The following EDA variants were observed in gnomAD, a reference collection of about 807,000 sequenced individuals.
EDA encodes the protein ectodysplasin A, also known as ectodysplasin-A.
A neutral mutation model predicts 23.6 loss-of-function variants in EDA; 2 were observed. That is an observed-to-expected ratio of 0.08 (90% confidence interval 0.03 to 0.27). The LOEUF is 0.27. Ranked by LOEUF, EDA falls within the 10% of genes least tolerant of loss-of-function variation. The pLI is 1.00. For synonymous variants in EDA, 131 were observed against 132.0 expected (o/e 0.99, Z 0.05); for missense variants, 229 against 324.2 (o/e 0.71, Z 2.26).
intron 1 of EDA, among the ~76,000 whole-genome samples, chrX:69,655,340 G>C (rs769314154): frequency 9.1e-6 from 1 of 109,310 alleles, no homozygotes; most frequent in Admixed American, 9.7e-5. Flanking sequence ...TTGGCGGTGA[G>C]CCGAGATCAC....
rs1314281220 is a variant in EDA, at chrX:70,029,525, C to T, written c.728C>T (p.Thr243Ile). 8.3e-7 allele frequency: 1 copy of T among 1,211,967 alleles called. No homozygotes were observed. ...GCAGGTGCTGCTGATAAAGCTGGAA[C>T]TCGAGAAAACCAGGTTGGCTGGGGA... The part of the protein sequence containing the change: ...GPSGAADKAG[T>I]RENQPAVVHL... The change falls in exon 5 of 8, where the codon ACT becomes ATT. Residue 243 changes from threonine to isoleucine, a missense_variant. Transcript: ENST00000374552.
intron 1 of EDA, among the ~76,000 whole-genome samples, chrX:69,885,499 T>C (rs181535744): frequency 8.9e-6 from 1 of 112,453 alleles, no homozygotes; most frequent in East Asian, 2.8e-4. Flanking sequence ...GGTTCATCCA[T>C]GTTGCAGCAT....
intron 1 of EDA, among the ~76,000 whole-genome samples, chrX:69,955,935 A>G (rs151009360): frequency 8.9e-6 from 1 of 112,181 alleles, no homozygotes; most frequent in Non-Finnish European, 1.9e-5. Context: ...TTATGATTCA[A>G]TTCAGCAAAT....
chrX:69,617,481 T>A (rs192877852), intron 1 of EDA, among the ~76,000 whole-genome samples: 302 of 111,382 alleles, frequency 2.7e-3, no homozygotes, highest in African/African-American at 9.0e-3. Context: ...GCCAATGGAA[T>A]AATTACTCAG....
chrX:69,711,279 A>C (rs142001691), intron 1 of EDA, among the ~76,000 whole-genome samples: 1,550 of 111,339 alleles, frequency 0.014, 20 homozygotes, highest in African/African-American at 0.046. Context: ...GGTTCTGTTT[A>C]TATGCTGGAT....
At chrX:69,793,212 G>C (rs1270499379) in intron 1 of EDA, among the ~76,000 whole-genome samples, 1 of 111,748 alleles carries the variant, frequency 8.9e-6, no homozygotes, top group African/African-American at 3.3e-5. Context: ...ACAAAGTAAA[G>C]GCATACTTGT....
intron 1 of EDA, among the ~76,000 whole-genome samples, chrX:69,835,321 T>C (rs113506056): frequency 0.3 from 33,593 of 111,324 alleles, 4,746 homozygotes; most frequent in Middle Eastern, 0.55. Context: ...CCAACTTGGT[T>C]CCCTTCTCCC....
intron 1 of EDA, among the ~76,000 whole-genome samples, chrX:69,788,419 G>T (rs1189164589): frequency 1.8e-5 from 2 of 111,703 alleles, no homozygotes; most frequent in African/African-American, 6.5e-5. Context: ...CCATCTTTGT[G>T]GTTTTATCTA....
chrX:69,796,260 A>T (rs2015540633), intron 1 of EDA, among the ~76,000 whole-genome samples: 1 of 109,658 alleles, frequency 9.1e-6, no homozygotes, highest in Non-Finnish European at 1.9e-5. Context: ...TGAGTAAGTC[A>T]TCTGGAGACC....
At chrX:69,941,411 TTAACTC>T (rs755425941) in intron 1 of EDA, among the ~76,000 whole-genome samples, 1 of 111,689 alleles carries the variant, frequency 9.0e-6, no homozygotes, top group South Asian at 3.7e-4. Context: ...ATCTCTCTCT[TTAACTC>T]TAATAACATT....
chrX:70,029,679 C>A, intron 5 of EDA, 141 bp downstream of exon 5: 1 of 632,380 alleles, frequency 1.6e-6, no homozygotes. Context: ...CACTCACAGC[C>A]CCCTCCCATC....
chrX:69,627,833 T>C (rs1932442772), intron 1 of EDA, among the ~76,000 whole-genome samples: 2 of 111,407 alleles, frequency 1.8e-5, no homozygotes, highest in African/African-American at 6.5e-5. Context: ...GAGAGAGGGA[T>C]TAGATTTCAG....
chrX:69,750,484 C>A (rs1245516880), intron 1 of EDA, among the ~76,000 whole-genome samples: 2 of 110,303 alleles, frequency 1.8e-5, no homozygotes, highest in African/African-American at 3.3e-5. Flanking sequence ...AGTAAACATA[C>A]GTGTGCGTGT....
chrX:69,848,610 A>G (rs1229530983), intron 1 of EDA, among the ~76,000 whole-genome samples: 2 of 111,850 alleles, frequency 1.8e-5, no homozygotes, highest in South Asian at 3.7e-4. Flanking sequence ...CATCAAGCCT[A>G]TTCAGATCCT....
chrX:69,917,887 A>G (rs994788367), intron 1 of EDA, among the ~76,000 whole-genome samples: 6 of 111,159 alleles, frequency 5.4e-5, no homozygotes, highest in African/African-American at 2.0e-4. Flanking sequence ...TTTTATATAT[A>G]TCTTATTCTA....
At chrX:69,789,113 C>T (rs12851085) in intron 1 of EDA, among the ~76,000 whole-genome samples, 34,519 of 111,406 alleles carry the variant, frequency 0.31, 4,800 homozygotes, top group Middle Eastern at 0.55. Context: ...TGACCCCTTG[C>T]GCTTCCCAAG....
At chrX:69,801,130 T>C (rs143913595) in intron 1 of EDA, among the ~76,000 whole-genome samples, 1,323 of 111,993 alleles carry the variant, frequency 0.012, 9 homozygotes, top group Non-Finnish European at 0.018. Flanking sequence ...GGCAACACTT[T>C]TAAAATTTTA....
chrX:69,622,289 C>T (rs1398574054), intron 1 of EDA, among the ~76,000 whole-genome samples: 1 of 111,830 alleles, frequency 8.9e-6, no homozygotes, highest in Non-Finnish European at 1.9e-5. Flanking sequence ...TTGATAATGA[C>T]AGTTTTTCTA....
At chrX:69,683,408 C>A (rs182398767) in intron 1 of EDA, among the ~76,000 whole-genome samples, 1 of 111,454 alleles carries the variant, frequency 9.0e-6, no homozygotes, top group African/African-American at 3.3e-5. Context: ...GCTGTCTCTT[C>A]CCCCTACTCT....
Sources: allele counts gnomAD v4.1 joint callset (sites outside exome capture counted in the v4.1 genomes callset), GRCh38; gene constraint gnomAD v4.1.1; transcripts MANE v1.5; gene names NCBI Gene and HGNC (gene_info 2026-07-23, HGNC 2026-07-21).